SLC9A3: variants seen among roughly 807,000 people sequenced by gnomAD.
SLC9A3 encodes sodium/hydrogen exchanger 3.
SLC9A3 carries 37 observed loss-of-function variants against 86.8 expected under a neutral mutation model. The ratio of observed to expected loss-of-function variants is 0.43; its 90% confidence interval spans 0.33 to 0.56. The LOEUF is 0.56. SLC9A3 is among the 20% of genes least tolerant of loss of function. The pLI is 0.06. For synonymous variants in SLC9A3, 581 were observed against 528.3 expected (o/e 1.10, Z -1.37); for missense variants, 1,011 against 1,171.9 (o/e 0.86, Z 2.00).
In SLC9A3 at chr5:484,388, G is replaced by A. The variant is rs562320490; in HGVS notation, c.932+132C>T. 6.9e-5 allele frequency: 29 copies of A among 420,688 alleles called. 2 individuals are homozygous for A. The highest frequency in any genetic ancestry group is 3.7e-4 in the South Asian group (14 of 37,438). 26.1% of individuals were successfully genotyped at this position (420,688 alleles called of 1,614,324 possible). A position where few individuals can be genotyped will look rare whatever the true frequency, so the allele number is the denominator to read the frequency against. On this transcript the variant is annotated intron_variant, in intron 5 of 16. Coordinates refer to ENST00000264938, the MANE Select transcript of SLC9A3 (RefSeq NM_004174.4). ...GGGGTCCCCCTGGCTGGCTCGCCCC[G>A]CCGGACCCAGGAGGGTGTGGAGAAG... is the stretch of plus-strand genomic sequence containing the variant.
Position 471,486 on chromosome 5 carries a change from G to A in SLC9A3, c.*1893C>T, listed in dbSNP as rs997147109. The A allele has an allele frequency of 2.9e-6, 1 of 343,198 alleles. No homozygotes were observed. Among genetic ancestry groups the A allele is most frequent in the Non-Finnish European group, 5.7e-6 (1 of 174,138 alleles). 21.3% of individuals were successfully genotyped at this position (343,198 alleles called of 1,614,324 possible). On this transcript the variant is annotated 3_prime_UTR_variant, in exon 17 of 17. Coordinates refer to ENST00000264938, the MANE Select transcript of SLC9A3 (RefSeq NM_004174.4). ...CACCCGGAAACCTCCCAGCAGTTCAGATGGGACAAACTGGGGGCCTGTCAG... is the reference window on the plus strand; with the variant it reads ...CACCCGGAAACCTCCCAGCAGTTCAAATGGGACAAACTGGGGGCCTGTCAG...
rs1738508729 is a variant in SLC9A3 at position 473,373 on chromosome 5, C to T, written c.*6G>A. 2 of 1,416,016 alleles carry T rather than the reference C, an allele frequency of 1.4e-6. No individual in the cohort carries two copies. The highest frequency in any genetic ancestry group is 1.9e-6 in the Non-Finnish European group (2 of 1,077,756). 87.7% of individuals were successfully genotyped at this position (1,416,016 alleles called of 1,614,324 possible). A position where few individuals can be genotyped will look rare whatever the true frequency, so the allele number is the denominator to read the frequency against. On this transcript the variant is annotated 3_prime_UTR_variant, in exon 17 of 17. Coordinates refer to ENST00000264938, the MANE Select transcript of SLC9A3 (RefSeq NM_004174.4). Reference sequence around the variant, plus strand: ...GCGGCCGGTTAGCGGCGTGTCGGAGCCGGTGTCACCTGCGGGAGAGGAAGG... The same window carrying T: ...GCGGCCGGTTAGCGGCGTGTCGGAGTCGGTGTCACCTGCGGGAGAGGAAGG...
chr5:492,078 G>A lies in SLC9A3; in HGVS notation c.212-7C>T, dbSNP rs749262794. 7 of 1,484,164 alleles carry A rather than the reference G, an allele frequency of 4.7e-6. No homozygotes were observed. In the Admixed American group the frequency reaches 1.5e-4, roughly 32 times the overall value. 91.9% of individuals were successfully genotyped at this position (1,484,164 alleles called of 1,614,324 possible). Reference sequence around the variant, plus strand: ...TTGTGGGACAGGTGGAACCCTGTGGGGGAAGGGAGGGAGGTCAGGGCCGGG... The same window carrying A: ...TTGTGGGACAGGTGGAACCCTGTGGAGGAAGGGAGGGAGGTCAGGGCCGGG... On this transcript the variant is annotated splice_polypyrimidine_tract_variant and splice_region_variant and intron_variant, in intron 1 of 16. Transcript: ENST00000264938.
intron 1 of SLC9A3, among the ~76,000 whole-genome samples, chr5:501,565 C>CGCAGAGACGCAGAGACGT (rs2126640145): frequency 6.6e-6 from 1 of 152,168 alleles, no homozygotes; most frequent in South Asian, 2.1e-4. Flanking sequence ...CACAGAGACT[C>CGCAGAGACGCAGAGACGT]GCAGAGACGC....
At chr5:516,234 G>C (rs1560976565) in intron 1 of SLC9A3, among the ~76,000 whole-genome samples, 2 of 150,920 alleles carry the variant, frequency 1.3e-5, no homozygotes, top group Non-Finnish European at 2.9e-5. Flanking sequence ...GCTGCCCCAT[G>C]GGATATTTGG....
chr5:472,577 C>G lies in SLC9A3; in HGVS notation c.*802G>C, dbSNP rs889775562. The stretch of plus-strand genomic sequence containing the variant: ...CCGGGGCCGCCACCCTGAGACCGGG[C>G]GCGGGCAGGACGGAACCTGGGGGGG... On this transcript the variant is annotated 3_prime_UTR_variant, in exon 17 of 17. Transcript: ENST00000264938. The G allele has an allele frequency of 2.5e-5, 9 of 358,590 alleles. No individual in the cohort carries two copies. The highest frequency in any genetic ancestry group is 4.5e-5 in the African/African-American group (2 of 44,446). 22.2% of individuals were successfully genotyped at this position (358,590 alleles called of 1,614,324 possible).
At chr5:508,083 C>T (rs138509959) in intron 1 of SLC9A3, among the ~76,000 whole-genome samples, 1 of 152,396 alleles carries the variant, frequency 6.6e-6, no homozygotes, top group Non-Finnish European at 1.5e-5. Context: ...CCGCCCCTCA[C>T]ACCAGTGGAG....
chr5:514,333 AGGGGCTCTGTCCCTCAG>A (rs1257662277), intron 1 of SLC9A3, among the ~76,000 whole-genome samples: 1 of 152,134 alleles, frequency 6.6e-6, no homozygotes. Flanking sequence ...CTGTCCCTCC[AGGGGCTCTGTCCCTCAG>A]GGGGCTCTGA....
rs1740021000 is a variant in SLC9A3 at position 496,361 on chromosome 5, C to T, written c.212-4290G>A. Among the ~76,000 whole-genome samples the T allele has an allele frequency of 6.6e-6, 1 of 152,182 alleles. No homozygotes were observed. The highest frequency in any genetic ancestry group is 2.4e-5 in the African/African-American group (1 of 41,434). ...CACCCATCCCCACCGGCCAGGCAGG[C>T]GTGAGCCACATCTCCTGAGGGGCCC... On this transcript the variant is annotated intron_variant, in intron 1 of 16. Coordinates refer to ENST00000264938, the MANE Select transcript of SLC9A3 (RefSeq NM_004174.4). The surrounding 1 kb of genome is among the most constrained non-coding windows in gnomAD (Gnocchi z 4.7).
chr5:491,988 C>A lies in SLC9A3; in HGVS notation c.295G>T (p.Val99Phe). Residue 99 changes from valine (V) to phenylalanine (F), a missense_variant, in exon 2 of 17, where the codon GTC becomes TTC. Transcript: ENST00000264938. The surrounding 1 kb of genome is among the most constrained non-coding windows in gnomAD (Gnocchi z 9.2). ...GACGCGATGTGGTCGGCCGCCCAGACGATGCCGCCCAGCACCAGGCCCAGC... is the reference window on the plus strand; with the variant it reads ...GACGCGATGTGGTCGGCCGCCCAGAAGATGCCGCCCAGCACCAGGCCCAGC... ...IVLGLVLGGI[V>F]WAADHIASFT... 6.2e-7 allele frequency: 1 copy of A among 1,602,224 alleles called. No homozygotes were observed. The highest frequency in any genetic ancestry group is 1.1e-5 in the South Asian group (1 of 89,592).
intron 1 of SLC9A3, among the ~76,000 whole-genome samples, chr5:506,750 C>T (rs998974110): frequency 4.6e-5 from 7 of 152,248 alleles, no homozygotes; most frequent in Admixed American, 2.0e-4. Flanking sequence ...AAGGATAAAA[C>T]GTGTTATTTA....
intron 1 of SLC9A3, among the ~76,000 whole-genome samples, chr5:506,896 C>CA (rs1241081542): frequency 8.4e-5 from 5 of 59,552 alleles, no homozygotes; most frequent in Admixed American, 1.6e-4. Context: ...AGAAACAAAA[C>CA]AAAAAAAAAA....
chr5:488,618 G>A, intron 2 of SLC9A3, 142 bp from the exon 3 acceptor site: 1 of 815,366 alleles, frequency 1.2e-6, no homozygotes, highest in East Asian at 2.9e-5. Context: ...TCAGCTTCCT[G>A]CGTCCCTCCC....
intron 2 of SLC9A3, among the ~76,000 whole-genome samples, chr5:489,816 G>A (rs1027838011): frequency 3.3e-5 from 5 of 152,174 alleles, no homozygotes; most frequent in African/African-American, 1.2e-4. Context: ...AGACTCCCCG[G>A]CCGGCAGCCT....
At chr5:480,178 A>G in intron 9 of SLC9A3, 1 of 521,492 alleles carries the variant, frequency 1.9e-6, no homozygotes, top group South Asian at 2.2e-5. Context: ...CGCATATGAA[A>G]CTGCATGCCG....
intron 1 of SLC9A3, among the ~76,000 whole-genome samples, chr5:501,525 C>T (rs547041780): frequency 1.5e-4 from 23 of 152,262 alleles, no homozygotes; most frequent in Admixed American, 3.9e-4. Context: ...CACAGGCAGG[C>T]GCAGACACAT....
At chr5:501,779 G>A (rs1368372517) in intron 1 of SLC9A3, among the ~76,000 whole-genome samples, 2 of 152,264 alleles carry the variant, frequency 1.3e-5, no homozygotes, top group Admixed American at 6.5e-5. Context: ...AGCCCAGGGC[G>A]GAGGTAAAGG....
At chr5:482,190 G>A in intron 7 of SLC9A3, 33 bp from the exon 8 acceptor site, 1 of 1,533,124 alleles carries the variant, frequency 6.5e-7, no homozygotes, top group Non-Finnish European at 9.0e-7. Context: ...CCTGGTGCCA[G>A]GCAGCCCCCC....
rs947713149 is a variant in SLC9A3, at chr5:480,081, G to A, written c.1518-116C>T. On this transcript the variant is annotated intron_variant, in intron 9 of 16. Coordinates refer to ENST00000264938, the MANE Select transcript of SLC9A3 (RefSeq NM_004174.4). ...TGTTTGCTATAGTGACCCTGTAGGC[G>A]CGTTTAAAATGAGGGAAGCAGCCCC... The A allele has an allele frequency of 5.4e-5, 65 of 1,210,056 alleles. No individual in the cohort carries two copies. In the Admixed American group the frequency reaches 1.2e-3, roughly 22 times the overall value. The allele number at this position is 1,210,056 out of a possible 1,614,324, so 75.0% of individuals were successfully genotyped here. A position where few individuals can be genotyped will look rare whatever the true frequency, so the allele number is the denominator to read the frequency against.
Sources: allele counts gnomAD v4.1 joint callset (sites outside exome capture counted in the v4.1 genomes callset), GRCh38; gene constraint gnomAD v4.1.1; non-coding constraint Gnocchi (gnomAD v3.1); transcripts MANE v1.5; gene names NCBI Gene and HGNC (gene_info 2026-07-23, HGNC 2026-07-21).